The following CDA variants were observed in gnomAD, a reference collection of about 807,000 sequenced individuals.
CDA encodes cytidine deaminase, also known as cytidine aminohydrolase.
Under a neutral mutation model 15.0 loss-of-function variants are expected in CDA, and 7 were observed. The ratio of observed to expected loss-of-function variants is 0.47; its 90% CI spans 0.26 to 0.87. The LOEUF is 0.87. Ranked by LOEUF, CDA falls within the 40% of genes least tolerant of loss-of-function variation. The pLI, the probability that CDA is intolerant of heterozygous loss-of-function variation, is 0.15. For missense variants in CDA, 159 were observed against 182.7 expected (o/e 0.87, Z 0.75); for synonymous variants, 58 against 73.0 (o/e 0.79, Z 1.05).
chr1:20,603,141 C>T (rs1411963150), intron 1 of CDA, among the ~76,000 whole-genome samples: 1 of 152,214 alleles, frequency 6.6e-6, no homozygotes, highest in Non-Finnish European at 1.5e-5. Flanking sequence ...TGTGTTTTCT[C>T]CTTTGCGTTG....
At chr1:20,615,806 G>A (rs1047811391) in intron 3 of CDA, among the ~76,000 whole-genome samples, 1 of 152,114 alleles carries the variant, frequency 6.6e-6, no homozygotes, top group Non-Finnish European at 1.5e-5. Flanking sequence ...TTCAAAACCA[G>A]CCTGGGCCAC....
At chr1:20,612,609 CTT>C (rs1276644975) in intron 2 of CDA, among the ~76,000 whole-genome samples, 4 of 152,120 alleles carry the variant, frequency 2.6e-5, no homozygotes, top group Non-Finnish European at 5.9e-5. Context: ...TGCTGACTCT[CTT>C]TGCAGACTCA....
At chr1:20,598,486 A>G (rs1290959590) in intron 1 of CDA, among the ~76,000 whole-genome samples, 1 of 152,268 alleles carries the variant, frequency 6.6e-6, no homozygotes, top group African/African-American at 2.4e-5. Context: ...ACGTTACAGC[A>G]GCACAAAACG....
At chr1:20,618,430 G>A (rs555204650) in intron 3 of CDA, 22 bp from the exon 4 acceptor site, 19 of 1,470,752 alleles carry the variant, frequency 1.3e-5, no homozygotes, top group Non-Finnish European at 1.7e-5. Flanking sequence ...TGTCTCTCAC[G>A]CCAGCTTTGC....
At chr1:20,618,425 C>T (rs1398967915) in intron 3 of CDA, 27 bp from the exon 4 acceptor site, 1 of 1,403,806 alleles carries the variant, frequency 7.1e-7, no homozygotes, top group African/African-American at 1.4e-5. Context: ...CGCTGTGTCT[C>T]TCACGCCAGC....
In CDA at chr1:20,614,150, C is replaced by T. The variant is rs533504324; in HGVS notation, c.324+251C>T. Among the ~76,000 whole-genome samples the T allele has an allele frequency of 1.2e-4, 19 of 152,234 alleles. 1 individual carries two copies. The South Asian group carries it at 3.9e-3, about 32-fold the overall frequency. ...AGGCCCTGAGGTAGCTCTGGGGAGG[C>T]ACAGGGAAAAGATGGGCCAGGCCCT... On this transcript the variant is annotated intron_variant, in intron 3 of 3. Coordinates refer to ENST00000375071, the MANE Select transcript of CDA (RefSeq NM_001785.3).
intron 1 of CDA, among the ~76,000 whole-genome samples, chr1:20,601,134 C>T (rs947095303): frequency 1.3e-5 from 2 of 152,200 alleles, no homozygotes; most frequent in African/African-American, 4.8e-5. Flanking sequence ...GGGCAACTGG[C>T]ACTGGCCAGA....
chr1:20,606,208 G>A (rs1434842328), intron 2 of CDA, among the ~76,000 whole-genome samples: 2 of 143,524 alleles, frequency 1.4e-5, no homozygotes, highest in Non-Finnish European at 3.1e-5. Context: ...GTTGGCGGGC[G>A]CCTGTAGTCC....
chr1:20,593,396 A>G (rs2052565824), intron 1 of CDA, among the ~76,000 whole-genome samples: 1 of 152,164 alleles, frequency 6.6e-6, no homozygotes, highest in Non-Finnish European at 1.5e-5. Context: ...TCAGAAAGCA[A>G]CCAGAACCAG....
chr1:20,598,770 C>G (rs892939800), intron 1 of CDA, among the ~76,000 whole-genome samples: 1 of 152,214 alleles, frequency 6.6e-6, no homozygotes, highest in Admixed American at 6.5e-5. Flanking sequence ...GCCCCACCTC[C>G]TAATAGTATA....
chr1:20,589,202 G>A lies in CDA; in HGVS notation c.73G>A (p.Ala25Thr), dbSNP rs753825334. ...VQQLLVCSQE[A>T]KKSAYCPYSH... ...GCAGCTGCTGGTTTGCTCCCAGGAG[G>A]CCAAGAAGTCAGCCTACTGCCCCTA... Residue 25 changes from alanine to threonine, a missense_variant, in exon 1 of 4, where the codon GCC (alanine) becomes ACC (threonine). Ala to Thr is a moderately conservative substitution (Grantham distance 58). Transcript: ENST00000375071. 2 of 1,613,870 alleles carry A rather than the reference G, an allele frequency of 1.2e-6. No individual in the cohort carries two copies. Among genetic ancestry groups the A allele is most frequent in the South Asian group, 1.1e-5 (1 of 91,068 alleles).
chr1:20,611,106 G>C lies in CDA; in HGVS notation c.267-2736G>C, dbSNP rs143206414. 4.4e-3 allele frequency among the ~76,000 whole-genome samples: 663 copies of C among 152,282 alleles called. 6 individuals are homozygous for C. Among genetic ancestry groups the C allele is most frequent in the African/African-American group, 0.015 (612 of 41,556 alleles). On this transcript the variant is annotated intron_variant, in intron 2 of 3. Transcript: ENST00000375071. ...AATCAGAAAATGAGTCAAGTGCGGT[G>C]GTGCGTGACTGCAGTCCCAGCTACT...
chr1:20,602,580 T>C (rs1026526649), intron 1 of CDA, among the ~76,000 whole-genome samples: 2 of 152,158 alleles, frequency 1.3e-5, no homozygotes, highest in African/African-American at 4.8e-5. Flanking sequence ...GCTGCCACCA[T>C]GCCAGGCTAA....
Position 20,618,710 on chromosome 1 carries a change from T to C in CDA, c.*142T>C, listed in dbSNP as rs1284047843. On this transcript the variant is annotated 3_prime_UTR_variant, in exon 4 of 4. Coordinates refer to ENST00000375071, the MANE Select transcript of CDA (RefSeq NM_001785.3). The stretch of plus-strand genomic sequence containing the variant: ...GATGTTTCCAGATTACACTCCAGCC[T>C]GAGTCAGCACCCCTCCTAGCAACCT... 3 of 688,964 alleles carry C rather than the reference T, an allele frequency of 4.4e-6. No homozygotes were observed. In the African/African-American group the frequency reaches 5.3e-5, roughly 12 times the overall value. 42.7% of individuals were successfully genotyped at this position (688,964 alleles called of 1,614,324 possible). A position where few individuals can be genotyped will look rare whatever the true frequency, so the allele number is the denominator to read the frequency against.
chr1:20,589,115 G>C lies in CDA; in HGVS notation c.-15G>C. On this transcript the variant is annotated 5_prime_UTR_variant, in exon 1 of 4. Transcript: ENST00000375071. The stretch of plus-strand genomic sequence containing the variant: ...CCTGTTTCCCGCTGCTCTGCTGCCT[G>C]CCCGGGGTACCAACATGGCCCAGAA... 1 of 1,613,980 alleles carries C rather than the reference G, an allele frequency of 6.2e-7. No homozygotes were observed. The highest frequency in any genetic ancestry group is 8.5e-7 in the Non-Finnish European group (1 of 1,179,992).
rs772193720 is a variant in CDA, at chr1:20,589,223, C to T, written c.94C>T (p.Pro32Ser). The T allele has an allele frequency of 1.2e-6, 2 of 1,613,854 alleles. No homozygotes were observed. The highest frequency in any genetic ancestry group is 1.7e-6 in the Non-Finnish European group (2 of 1,179,784). ...SQEAKKSAYC[P>S]YSHFPVGAAL... is the part of the protein sequence containing the mutation. ...GGAGGCCAAGAAGTCAGCCTACTGCCCCTACAGTCACTTTCCTGTGGGGGC... is the reference window on the plus strand; with the variant it reads ...GGAGGCCAAGAAGTCAGCCTACTGCTCCTACAGTCACTTTCCTGTGGGGGC... The change falls in exon 1 of 4, where the codon CCC becomes TCC. Residue 32 changes from proline to serine, a missense_variant. Physicochemically the swap from Pro to Ser is moderately conservative, Grantham distance 74. Coordinates refer to ENST00000375071, the MANE Select transcript of CDA (RefSeq NM_001785.3).
chr1:20,615,445 C>T (rs1248856967), intron 3 of CDA, among the ~76,000 whole-genome samples: 4 of 93,182 alleles, frequency 4.3e-5, no homozygotes, highest in Admixed American at 3.3e-4. Context: ...CCTGCCTGGG[C>T]AACATAGCGA....
rs2052843541 is a variant in CDA, at chr1:20,618,671, G to A, written c.*103G>A. 3 of 784,544 alleles carry A rather than the reference G, an allele frequency of 3.8e-6. No homozygotes were observed. Among genetic ancestry groups the A allele is most frequent in the East Asian group, 2.5e-5 (1 of 40,338 alleles). The allele number at this position is 784,544 out of a possible 1,614,324, so 48.6% of individuals were successfully genotyped here. A position where few individuals can be genotyped will look rare whatever the true frequency, so the allele number is the denominator to read the frequency against. On this transcript the variant is annotated 3_prime_UTR_variant, in exon 4 of 4. Transcript: ENST00000375071. ...GCCCAGTGGGCCCCAGCCCTACAGG[G>A]ACTGGGCAAAGATGATGTTTCCAGA...
At chr1:20,594,092 A>G (rs1288934508) in intron 1 of CDA, among the ~76,000 whole-genome samples, 4 of 152,326 alleles carry the variant, frequency 2.6e-5, no homozygotes, top group African/African-American at 7.2e-5. Flanking sequence ...AGGTCTGCCC[A>G]GGTCTGTGAC....
Sources: allele counts gnomAD v4.1 joint callset (sites outside exome capture counted in the v4.1 genomes callset), GRCh38; gene constraint gnomAD v4.1.1; transcripts MANE v1.5; gene names NCBI Gene and HGNC (gene_info 2026-07-23, HGNC 2026-07-21).